TRIM67: variants seen among roughly 807,000 people sequenced by gnomAD.
TRIM67 encodes tripartite motif containing 67, also known as tripartite motif-containing protein 67.
Under a neutral mutation model 71.0 loss-of-function variants are expected in TRIM67, and 39 were observed. The ratio of observed to expected loss-of-function variants is 0.55; its 90% CI spans 0.43 to 0.72. The LOEUF is 0.72. TRIM67 is among the 30% of genes least tolerant of loss of function. The pLI is 0.00. For missense variants in TRIM67, 973 were observed against 1,079.2 expected (o/e 0.90, Z 1.38); for synonymous variants, 481 against 473.9 (o/e 1.01, Z -0.19).
chr1:231,172,357 G>A (rs1008457356), intron 1 of TRIM67, among the ~76,000 whole-genome samples: 3 of 152,174 alleles, frequency 2.0e-5, no homozygotes, highest in African/African-American at 7.2e-5. Context: ...AGGTGGGGAC[G>A]GGATGGGGGA....
At chr1:231,172,119 C>T (rs532388351) in intron 1 of TRIM67, among the ~76,000 whole-genome samples, 15 of 152,266 alleles carry the variant, frequency 9.9e-5, no homozygotes, top group South Asian at 6.2e-4. Flanking sequence ...CCAACAAAAA[C>T]GGCCCCCTTT....
At chr1:231,176,748 A>G (rs1254868978) in intron 1 of TRIM67, among the ~76,000 whole-genome samples, 1 of 152,154 alleles carries the variant, frequency 6.6e-6, no homozygotes, top group African/African-American at 2.4e-5. Context: ...ATAGATTCAG[A>G]AGCCAAATTT....
chr1:231,189,028 C>T (rs1018816363), intron 1 of TRIM67, among the ~76,000 whole-genome samples: 1 of 152,140 alleles, frequency 6.6e-6, no homozygotes, highest in Admixed American at 6.5e-5. Context: ...TGAGAACTGC[C>T]TCATGGGCCC....
chr1:231,171,933 A>G (rs1479376161), intron 1 of TRIM67, among the ~76,000 whole-genome samples: 2 of 152,156 alleles, frequency 1.3e-5, no homozygotes, highest in Non-Finnish European at 2.9e-5. Context: ...CTTCTCTATA[A>G]AAAATAAAAG....
chr1:231,162,991 C>T lies in TRIM67; in HGVS notation c.22C>T (p.Pro8Ser). The change falls in exon 1 of 10, where the codon CCC (proline) becomes TCC (serine). Residue 8 changes from proline to serine, a missense_variant. This residue lies in a region of TRIM67 where 795 missense variants were observed against 831.3 expected (regional missense o/e 0.96). Coordinates refer to ENST00000366653, the MANE Select transcript of TRIM67 (RefSeq NM_001004342.5). ...CGCGATGGAGGAAGAGCTGAAGTGT[C>T]CCGTGTGCGGCTCTCTGTTTCGGGA... MEEELKC[P>S]VCGSLFREPI... 6.2e-7 allele frequency: 1 copy of T among 1,612,598 alleles called. No homozygotes were observed. Among genetic ancestry groups the T allele is most frequent in the Non-Finnish European group, 8.5e-7 (1 of 1,179,366 alleles).
In TRIM67 at chr1:231,165,971, A is replaced by G. The variant is rs574466267; in HGVS notation, c.1044+1958A>G. On this transcript the variant is annotated intron_variant, in intron 1 of 9. Transcript: ENST00000366653. ...TTGTAAGAGAAATTAACTGTCTTAC[A>G]TGGAAAAGTGAGTTAGATAATGAGC... Among the ~76,000 whole-genome samples the G allele has an allele frequency of 1.6e-4, 24 of 152,368 alleles. 1 individual carries two copies. The South Asian group carries it at 4.8e-3, about 30-fold the overall frequency.
At chr1:231,200,114 G>A (rs1430968024) in intron 3 of TRIM67, 34 bp from the exon 4 acceptor site, 1 of 1,509,916 alleles carries the variant, frequency 6.6e-7, no homozygotes. Flanking sequence ...TTCCTCTCAT[G>A]AGACAGTTAC....
At chr1:231,179,052 G>A (rs1266036567) in intron 1 of TRIM67, among the ~76,000 whole-genome samples, 3 of 152,222 alleles carry the variant, frequency 2.0e-5, no homozygotes, top group Non-Finnish European at 4.4e-5. Flanking sequence ...GTATTTGTTT[G>A]TTAAGGCTTC....
intron 7 of TRIM67, among the ~76,000 whole-genome samples, chr1:231,207,184 A>G (rs1683727570): frequency 6.6e-6 from 1 of 152,222 alleles, no homozygotes; most frequent in Non-Finnish European, 1.5e-5. Flanking sequence ...CTAAATGTGA[A>G]GTAGCTAAGG....
intron 1 of TRIM67, among the ~76,000 whole-genome samples, chr1:231,175,563 C>T (rs201018815): frequency 1.3e-5 from 2 of 152,226 alleles, no homozygotes; most frequent in East Asian, 3.9e-4. Context: ...GATCATGACA[C>T]CCGCACACGC....
chr1:231,188,862 G>A (rs1278410166), intron 1 of TRIM67, among the ~76,000 whole-genome samples: 1 of 152,208 alleles, frequency 6.6e-6, no homozygotes, highest in Non-Finnish European at 1.5e-5. Context: ...CCTCAGGAGA[G>A]GAGAGGCCAT....
chr1:231,218,278 T>G lies in TRIM67; in HGVS notation c.*2838T>G. On this transcript the variant is annotated 3_prime_UTR_variant, in exon 10 of 10. Transcript: ENST00000366653. ...TCATGGTGGCACATTTGTACATACA[T>G]ATAAATGATATCAAGATGAGGCTTT... is the stretch of plus-strand genomic sequence containing the variant. 1 of 987,954 alleles carries G rather than the reference T, an allele frequency of 1.0e-6. No individual in the cohort carries two copies. The allele number at this position is 987,954 out of a possible 1,614,324, so 61.2% of individuals were successfully genotyped here. A position where few individuals can be genotyped will look rare whatever the true frequency, so the allele number is the denominator to read the frequency against.
intron 1 of TRIM67, among the ~76,000 whole-genome samples, chr1:231,177,696 C>T (rs1218232532): frequency 6.6e-6 from 1 of 152,144 alleles, no homozygotes; most frequent in Non-Finnish European, 1.5e-5. Context: ...ACTTTTACAC[C>T]CATCAATGTG....
At chr1:231,207,644 A>G (rs193136108) in intron 7 of TRIM67, among the ~76,000 whole-genome samples, 2 of 152,292 alleles carry the variant, frequency 1.3e-5, no homozygotes, top group Admixed American at 1.3e-4. Flanking sequence ...TCCTAGAGGC[A>G]GGGAGGAGTA....
In TRIM67 at chr1:231,219,180, G is replaced by A; in HGVS notation, c.*3740G>A. 1 of 985,454 alleles carries A rather than the reference G, an allele frequency of 1.0e-6. No individual in the cohort carries two copies. The highest frequency in any genetic ancestry group is 1.2e-6 in the Non-Finnish European group (1 of 830,052). 61.0% of individuals were successfully genotyped at this position (985,454 alleles called of 1,614,324 possible). On this transcript the variant is annotated 3_prime_UTR_variant, in exon 10 of 10. Coordinates refer to ENST00000366653, the MANE Select transcript of TRIM67 (RefSeq NM_001004342.5). Reference sequence around the variant, plus strand: ...TGCACAGCCCGTGGGGTGGCGCCAGGGTTTCTCAACCTCTACTGACATTTT... The same window carrying A: ...TGCACAGCCCGTGGGGTGGCGCCAGAGTTTCTCAACCTCTACTGACATTTT...
intron 8 of TRIM67, among the ~76,000 whole-genome samples, chr1:231,211,541 T>C (rs1015695941): frequency 2.6e-5 from 4 of 152,162 alleles, no homozygotes; most frequent in African/African-American, 9.7e-5. Context: ...AGTGCGGTTT[T>C]AGTTTCCTTC....
At chr1:231,189,255 A>G (rs1278564215) in intron 1 of TRIM67, among the ~76,000 whole-genome samples, 2 of 152,240 alleles carry the variant, frequency 1.3e-5, no homozygotes, top group Admixed American at 1.3e-4. Context: ...TTTAATTGCC[A>G]GTCATAGCAG....
At chr1:231,202,824 G>A (rs1357260569) in intron 5 of TRIM67, among the ~76,000 whole-genome samples, 1 of 152,214 alleles carries the variant, frequency 6.6e-6, no homozygotes, top group Non-Finnish European at 1.5e-5. Flanking sequence ...CAGAGTGGAT[G>A]AGCTGCAGTG....
Position 231,220,250 on chromosome 1 carries a change from G to A in TRIM67, c.*4810G>A, listed in dbSNP as rs982491048. ...GCAAGGAGCTGCCTGGCCTCCAGTG[G>A]GTAAAATAGACCTTTAAGACAGGTT... is the stretch of plus-strand genomic sequence containing the variant. On this transcript the variant is annotated 3_prime_UTR_variant, in exon 10 of 10. Coordinates refer to ENST00000366653, the MANE Select transcript of TRIM67 (RefSeq NM_001004342.5). 4 of 306,594 alleles carry A rather than the reference G, an allele frequency of 1.3e-5. No homozygotes were observed. The highest frequency in any genetic ancestry group is 2.6e-5 in the Non-Finnish European group (4 of 155,494). The allele number at this position is 306,594 out of a possible 1,614,324, so 19.0% of individuals were successfully genotyped here.
Sources: allele counts gnomAD v4.1 joint callset (sites outside exome capture counted in the v4.1 genomes callset), GRCh38; gene constraint gnomAD v4.1.1; regional missense constraint gnomAD v4.1.1; transcripts MANE v1.5; gene names NCBI Gene and HGNC (gene_info 2026-07-23, HGNC 2026-07-21).